The following TMPRSS9 variants were observed in gnomAD, a reference collection of about 807,000 sequenced individuals.
The protein encoded by TMPRSS9 is transmembrane protease serine 9.
A neutral mutation model predicts 111.4 loss-of-function variants in TMPRSS9; 113 were observed. The ratio of observed to expected loss-of-function variants is 1.01; its 90% CI spans 0.87 to 1.19. TMPRSS9 has a LOEUF of 1.19. TMPRSS9 is among the 50% of genes most tolerant of loss of function. TMPRSS9 has a pLI of 0.00. For synonymous variants in TMPRSS9, 805 were observed against 659.1 expected, an observed-to-expected ratio of 1.22 and a Z score of -3.39; for missense variants, 1,803 against 1,513.1, an observed-to-expected ratio of 1.19 and a Z score of -3.18.
intron 1 of TMPRSS9, among the ~76,000 whole-genome samples, chr19:2,391,382 T>TTTC (rs1306571382): frequency 6.7e-6 from 1 of 149,466 alleles, no homozygotes; most frequent in Non-Finnish European, 1.5e-5. Flanking sequence ...TTCTTTTTTC[T>TTTC]TTTTTTTAAA....
intron 13 of TMPRSS9, among the ~76,000 whole-genome samples, chr19:2,418,395 C>T (rs1971332772): frequency 5.6e-5 from 2 of 35,630 alleles, no homozygotes; most frequent in African/African-American, 1.2e-4. Context: ...CCTTCCCTCC[C>T]TGGCCTTTCC....
intron 17 of TMPRSS9, 66 bp downstream of exon 18, chr19:2,425,559 G>A (rs952457317): frequency 2.8e-6 from 4 of 1,450,812 alleles, no homozygotes; most frequent in South Asian, 1.4e-5. Context: ...GGTTCCCGCT[G>A]CCACGAAGCC....
intron 1 of TMPRSS9, among the ~76,000 whole-genome samples, chr19:2,363,661 C>T (rs554008082): frequency 2.5e-4 from 38 of 151,600 alleles, no homozygotes; most frequent in African/African-American, 8.5e-4. Context: ...TTAGAGCTCC[C>T]GGCCCTGCGC....
At chr19:2,371,531 CA>C (rs1370960303) in intron 1 of TMPRSS9, among the ~76,000 whole-genome samples, 1 of 142,570 alleles carries the variant, frequency 7.0e-6, no homozygotes, top group Non-Finnish European at 1.5e-5. Flanking sequence ...TACTAAAATA[CA>C]AAAGAAAAAA....
In TMPRSS9 at chr19:2,403,252, G is replaced by C. The variant is rs551704756; in HGVS notation, c.670+57G>C. On this transcript the variant is annotated intron_variant, in intron 6 of 17. Transcript: ENST00000648592. ...CCCCTTCCCTTTTCCAGGGTCAGCT[G>C]CTGGCTCTGGTCTGTGGTCACTGTG... is the stretch of plus-strand genomic sequence containing the variant. 9 of 1,405,432 alleles carry C rather than the reference G, an allele frequency of 6.4e-6. No homozygotes were observed. The Admixed American group carries it at 9.8e-5, about 15-fold the overall frequency. 87.1% of individuals were successfully genotyped at this position (1,405,432 alleles called of 1,614,324 possible).
chr19:2,409,497 G>A (rs922968108), intron 8 of TMPRSS9, among the ~76,000 whole-genome samples: 17 of 152,072 alleles, frequency 1.1e-4, no homozygotes, highest in African/African-American at 3.9e-4. Context: ...CCTGTGGCCA[G>A]TGGCTACTAT....
chr19:2,398,797 T>G (rs1377777018), exon 3 of TMPRSS9: 14 of 1,457,094 alleles, frequency 9.6e-6, no homozygotes, highest in Non-Finnish European at 1.3e-5. Context: ...TATTGCAGTT[T>G]GTAAGTAGTT....
At chr19:2,397,130 A>G (rs1970727608) in intron 2 of TMPRSS9, among the ~76,000 whole-genome samples, 1 of 152,010 alleles carries the variant, frequency 6.6e-6, no homozygotes, top group Non-Finnish European at 1.5e-5. Context: ...CATGTAGGAC[A>G]GGATGGTCTT....
At chr19:2,375,206 T>C (rs1970322614) in intron 1 of TMPRSS9, among the ~76,000 whole-genome samples, 1 of 152,262 alleles carries the variant, frequency 6.6e-6, no homozygotes, top group African/African-American at 2.4e-5. Context: ...TCTCCGTCCC[T>C]GCTTCTGTGA....
At chr19:2,410,172 G>A in intron 8 of TMPRSS9, 86 bp from the exon 10 acceptor site, 1 of 1,564,530 alleles carries the variant, frequency 6.4e-7, no homozygotes, top group South Asian at 1.2e-5. Context: ...GAGGCTTGGA[G>A]AGGAGCTGTC....
exon 10 of TMPRSS9, chr19:2,413,727 G>A (rs201054420): frequency 5.6e-6 from 9 of 1,612,464 alleles, no homozygotes; most frequent in East Asian, 4.5e-5. Flanking sequence ...CCTGGTCTGC[G>A]AGGAGCCCTC....
At position 2,402,471 on chromosome 19, in the gene TMPRSS9, G is replaced by A. The variant is rs186099919; in HGVS notation, c.556+455G>A. Among the ~76,000 whole-genome samples the A allele has an allele frequency of 1.4e-4, 21 of 152,022 alleles. No individual in the cohort carries two copies. In the East Asian group the frequency reaches 4.1e-3, roughly 30 times the overall value. Reference sequence around the variant, plus strand: ...AATAATACATAAGGCCGGGCGCACTGGCTCATGCCTGTAATCCCAGCACTT... The same window carrying A: ...AATAATACATAAGGCCGGGCGCACTAGCTCATGCCTGTAATCCCAGCACTT... On this transcript the variant is annotated intron_variant, in intron 5 of 17. Coordinates refer to ENST00000648592, the Ensembl canonical transcript of TMPRSS9.
chr19:2,411,131 C>T (rs1971085197), intron 9 of TMPRSS9, among the ~76,000 whole-genome samples: 1 of 151,494 alleles, frequency 6.6e-6, no homozygotes, highest in African/African-American at 2.4e-5. Flanking sequence ...GAAACCTTGT[C>T]TCTACTAAAA....
At chr19:2,399,296 C>T (rs1438430745) in intron 4 of TMPRSS9, 103 bp downstream of exon 5, 1 of 1,417,428 alleles carries the variant, frequency 7.1e-7, no homozygotes, top group Non-Finnish European at 9.3e-7. Context: ...AAAAAGAAAA[C>T]AAACTGGCCG....
At chr19:2,409,951 G>A (rs914240738) in intron 8 of TMPRSS9, among the ~76,000 whole-genome samples, 5 of 152,000 alleles carry the variant, frequency 3.3e-5, no homozygotes, top group Non-Finnish European at 5.9e-5. Flanking sequence ...TGAGGACTGT[G>A]GACCTGGAAT....
chr19:2,362,230 G>A (rs565448285), intron 1 of TMPRSS9, among the ~76,000 whole-genome samples: 6 of 152,090 alleles, frequency 3.9e-5, no homozygotes, highest in South Asian at 2.1e-4. Context: ...GGGTGGGATC[G>A]TATATGGTTG....
chr19:2,373,079 C>T (rs1000775213), intron 1 of TMPRSS9, among the ~76,000 whole-genome samples: 5 of 152,260 alleles, frequency 3.3e-5, no homozygotes, highest in African/African-American at 2.4e-5. Flanking sequence ...GTGATCCTCC[C>T]TCCTTGGCCT....
intron 1 of TMPRSS9, among the ~76,000 whole-genome samples, chr19:2,394,786 A>T (rs77186722): frequency 1.3e-5 from 2 of 151,536 alleles, no homozygotes; most frequent in East Asian, 1.9e-4. Flanking sequence ...AATTACGGCC[A>T]TTTTTTTTGC....
upstream of TMPRSS9, among the ~76,000 whole-genome samples, chr19:2,385,104 C>T (rs1424702896): frequency 6.7e-6 from 1 of 150,080 alleles, no homozygotes; most frequent in Non-Finnish European, 1.5e-5. Flanking sequence ...TACCTTGGCC[C>T]ATCCATTGGT....
Sources: allele counts gnomAD v4.1 joint callset (sites outside exome capture counted in the v4.1 genomes callset), GRCh38; gene constraint gnomAD v4.1.1; transcripts MANE v1.5; gene names NCBI Gene and HGNC (gene_info 2026-07-23, HGNC 2026-07-21).